Variants in MAGI3 observed in about 807,000 individuals in gnomAD.
MAGI3 encodes membrane associated guanylate kinase, WW and PDZ domain containing 3.
Under a neutral mutation model 121.8 loss-of-function variants are expected in MAGI3, and 43 were observed. The observed-to-expected ratio is 0.35, with a 90% CI of 0.28 to 0.46. The LOEUF is 0.46. MAGI3 is among the 20% of genes least tolerant of loss of function. The pLI, the probability that MAGI3 is intolerant of heterozygous loss-of-function variation, is 1.00. For missense variants in MAGI3, 1,547 were observed against 1,797.3 expected, an observed-to-expected ratio of 0.86 and a Z score of 2.52; for synonymous variants, 553 against 639.3, an observed-to-expected ratio of 0.86 and a Z score of 2.04.
intron 9 of MAGI3, among the ~76,000 whole-genome samples, chr1:113,628,719 A>T (rs79220465): frequency 0.1 from 15,724 of 152,126 alleles, 1,043 homozygotes; most frequent in East Asian, 0.19. Flanking sequence ...TTTCCTAAGC[A>T]CTTTAAATAT....
chr1:113,564,142 A>G (rs545211759), intron 2 of MAGI3, among the ~76,000 whole-genome samples: 7 of 152,322 alleles, frequency 4.6e-5, no homozygotes, highest in African/African-American at 1.7e-4. Flanking sequence ...CAGAATTAGT[A>G]CTAGTAGCGC....
intron 5 of MAGI3, among the ~76,000 whole-genome samples, chr1:113,590,951 G>C (rs1045626624): frequency 6.6e-6 from 1 of 151,986 alleles, no homozygotes; most frequent in Non-Finnish European, 1.5e-5. Flanking sequence ...AGGGTATTTT[G>C]CTTGGCTTTT....
chr1:113,636,892 CT>C (rs1436937265), intron 9 of MAGI3, among the ~76,000 whole-genome samples: 2 of 152,084 alleles, frequency 1.3e-5, no homozygotes, highest in African/African-American at 4.8e-5. Flanking sequence ...TCAGGACTTG[CT>C]TTATGAATCT....
At chr1:113,444,828 T>C (rs991171426) in intron 1 of MAGI3, among the ~76,000 whole-genome samples, 1 of 152,164 alleles carries the variant, frequency 6.6e-6, no homozygotes, top group African/African-American at 2.4e-5. Flanking sequence ...TAAAGATGCT[T>C]AGGGAACTAA....
intron 6 of MAGI3, among the ~76,000 whole-genome samples, chr1:113,599,064 A>T (rs543786936): frequency 6.6e-6 from 1 of 152,218 alleles, no homozygotes; most frequent in African/African-American, 2.4e-5. Context: ...TTCAAAGAAC[A>T]TCTTTATTTC....
chr1:113,464,168 C>G (rs1366489317), intron 1 of MAGI3, among the ~76,000 whole-genome samples: 2 of 151,970 alleles, frequency 1.3e-5, no homozygotes, highest in African/African-American at 4.8e-5. Flanking sequence ...CCATATACTT[C>G]CTGGCCTCTG....
intron 16 of MAGI3, among the ~76,000 whole-genome samples, chr1:113,669,218 A>G (rs1226213437): frequency 6.6e-6 from 1 of 152,236 alleles, no homozygotes; most frequent in African/African-American, 2.4e-5. Flanking sequence ...AGAGACAGGT[A>G]ACTTGAAATT....
In MAGI3 at chr1:113,422,548, C is replaced by G. The variant is rs1430439661; in HGVS notation, c.316+31199C>G. ...GTGGGGTCTGGCCACTGCGCACAGA[C>G]AGGCATGCCAGCTGCTGCGGGGCAG... is the stretch of plus-strand genomic sequence containing the variant. On this transcript the variant is annotated intron_variant, in intron 1 of 20. Transcript: ENST00000307546. The surrounding 1 kb of genome is among the most constrained non-coding windows in gnomAD (Gnocchi z 4.3). 6.6e-6 allele frequency among the ~76,000 whole-genome samples: 1 copy of G among 152,234 alleles called. No individual in the cohort carries two copies. Among genetic ancestry groups the G allele is most frequent in the Non-Finnish European group, 1.5e-5 (1 of 68,046 alleles).
At position 113,437,806 on chromosome 1, in the gene MAGI3, T is replaced by TTTCTTC. The variant is rs759591213; in HGVS notation, c.316+46509_316+46514dup. 1.6e-3 allele frequency among the ~76,000 whole-genome samples: 186 copies of TTTCTTC among 119,576 alleles called. 8 individuals are homozygous for TTTCTTC. Among genetic ancestry groups the TTTCTTC allele is most frequent in the Middle Eastern group, 8.0e-3 (2 of 250 alleles). The allele number at this position is 119,576 out of a possible 152,430, so 78.4% of individuals were successfully genotyped here. A position where few individuals can be genotyped will look rare whatever the true frequency, so the allele number is the denominator to read the frequency against. On this transcript the variant is annotated intron_variant, in intron 1 of 20. Transcript: ENST00000307546. ...CTTCTTCTTCCTTCTTCTTTCTTCTTTTCTTCTTCTTCTTCTTCTTCTTCT... is the reference window on the plus strand; with the variant it reads ...CTTCTTCTTCCTTCTTCTTTCTTCTTTTCTTCTTCTTCTTCTTCTTCTTCTTCTTCT...
intron 6 of MAGI3, among the ~76,000 whole-genome samples, chr1:113,598,265 G>A (rs938013415): frequency 4.7e-5 from 6 of 127,468 alleles, no homozygotes; most frequent in Non-Finnish European, 8.1e-5. Context: ...TAAAGCAATA[G>A]CACAGTAAAG....
rs184592057 is a variant in MAGI3, at chr1:113,651,071, G to C, written c.2305G>C (p.Ala769Pro). 1 of 1,614,120 alleles carries C rather than the reference G, an allele frequency of 6.2e-7. No homozygotes were observed. Among genetic ancestry groups the C allele is most frequent in the African/African-American group, 1.3e-5 (1 of 75,042 alleles). ...AGCTGAGAAAGATGGTCGGCTCCGCGCAGCTGATGAACTAATGTGCATTGA... is the reference window on the plus strand; with the variant it reads ...AGCTGAGAAAGATGGTCGGCTCCGCCCAGCTGATGAACTAATGTGCATTGA... ...GAAEKDGRLR[A>P]ADELMCIDGI... The change falls in exon 14 of 21, where the codon GCA (alanine) becomes CCA (proline). Residue 769 changes from alanine to proline, a missense_variant. Physicochemically the swap from Ala to Pro is conservative, Grantham distance 27. Coordinates refer to ENST00000307546, the MANE Select transcript of MAGI3 (RefSeq NM_001142782.2).
At chr1:113,592,510 C>T (rs532191039) in intron 5 of MAGI3, among the ~76,000 whole-genome samples, 1 of 152,220 alleles carries the variant, frequency 6.6e-6, no homozygotes, top group African/African-American at 2.4e-5. Flanking sequence ...AAGGTATTTT[C>T]GTGTTGTTGT....
intron 1 of MAGI3, among the ~76,000 whole-genome samples, chr1:113,475,759 A>T (rs1166168150): frequency 6.6e-6 from 1 of 151,908 alleles, no homozygotes; most frequent in Non-Finnish European, 1.5e-5. Flanking sequence ...GTTAGGGAGG[A>T]TTTGCTCTTT....
intron 6 of MAGI3, among the ~76,000 whole-genome samples, chr1:113,602,257 T>C (rs1570927932): frequency 1.3e-5 from 2 of 152,030 alleles, no homozygotes; most frequent in Middle Eastern, 6.8e-3. Flanking sequence ...CAAAATCATA[T>C]GAGGTATCTT....
chr1:113,543,970 C>T (rs1233427716), intron 1 of MAGI3, among the ~76,000 whole-genome samples: 1 of 151,686 alleles, frequency 6.6e-6, no homozygotes, highest in East Asian at 1.9e-4. Flanking sequence ...AAACCATGGC[C>T]TTGGCCTTTA....
intron 16 of MAGI3, among the ~76,000 whole-genome samples, chr1:113,667,698 G>A (rs1364734008): frequency 6.6e-6 from 1 of 152,210 alleles, no homozygotes; most frequent in Non-Finnish European, 1.5e-5. Flanking sequence ...CTAGCTTTCA[G>A]CCTGTCTCAG....
At chr1:113,619,994 T>C (rs1244120920) in intron 8 of MAGI3, among the ~76,000 whole-genome samples, 164 bp downstream of exon 8, 2 of 152,194 alleles carry the variant, frequency 1.3e-5, no homozygotes, top group South Asian at 2.1e-4. Flanking sequence ...ATCTGAACAT[T>C]ATCAGAATAC....
intron 8 of MAGI3, among the ~76,000 whole-genome samples, chr1:113,621,196 G>A (rs533079458): frequency 1.1e-4 from 16 of 152,318 alleles, no homozygotes; most frequent in African/African-American, 3.8e-4. Flanking sequence ...AATCACAGAA[G>A]CATGAAATGG....
intron 1 of MAGI3, among the ~76,000 whole-genome samples, chr1:113,526,717 G>C (rs1658472237): frequency 6.6e-6 from 1 of 152,186 alleles, no homozygotes; most frequent in African/African-American, 2.4e-5. Flanking sequence ...GTCCAGTTAG[G>C]AAGCTGTTGG....
Sources: gnomAD v4.1 joint callset for allele counts (sites outside exome capture counted in the v4.1 genomes callset) on GRCh38, gnomAD v4.1.1 for gene constraint, Gnocchi (gnomAD v3.1) non-coding constraint, MANE v1.5 for transcripts, NCBI Gene and HGNC (gene_info 2026-07-23, HGNC 2026-07-21) for gene names.